The following ITGB8 variants were observed in gnomAD, a reference collection of about 807,000 sequenced individuals.
ITGB8 encodes the protein integrin beta-8.
A neutral mutation model predicts 89.5 loss-of-function variants in ITGB8; 30 were observed. The ratio of observed to expected loss-of-function variants is 0.34; its 90% confidence interval spans 0.25 to 0.45. ITGB8 has a LOEUF of 0.45. Among genes scored for constraint, ITGB8 ranks in the 20% least tolerant of loss-of-function variants. ITGB8 has a pLI of 1.00. For synonymous variants in ITGB8, 335 were observed against 320.4 expected, an observed-to-expected ratio of 1.05 and a Z score of -0.49; for missense variants, 836 against 933.3, an observed-to-expected ratio of 0.90 and a Z score of 1.36.
chr7:20,348,647 G>A (rs1467591849), intron 1 of ITGB8, among the ~76,000 whole-genome samples: 2 of 152,306 alleles, frequency 1.3e-5, no homozygotes, highest in Non-Finnish European at 2.9e-5. Context: ...ACTTGGGTAA[G>A]GCAGAATAAC....
intron 8 of ITGB8, 96 bp downstream of exon 8, chr7:20,395,081 G>A: frequency 1.4e-6 from 1 of 693,816 alleles, no homozygotes. Context: ...GAGAGGAGGA[G>A]TAGAAAGCAT....
rs1367080784 is a variant in ITGB8, at chr7:20,330,939, C to T, written c.-868C>T. Reference sequence around the variant, plus strand: ...ACTCGGGCTCTGGACTGCGGGACGCCTGAGCCGCGCACTGAGGCGAAAAGG... The same window carrying T: ...ACTCGGGCTCTGGACTGCGGGACGCTTGAGCCGCGCACTGAGGCGAAAAGG... On this transcript the variant is annotated 5_prime_UTR_variant, in exon 1 of 14. Coordinates refer to ENST00000222573, the MANE Select transcript of ITGB8 (RefSeq NM_002214.3). 2.0e-5 allele frequency: 3 copies of T among 152,364 alleles called. No individual in the cohort carries two copies. Among genetic ancestry groups the T allele is most frequent in the Non-Finnish European group, 2.9e-5 (2 of 68,150 alleles). The allele number at this position is 152,364 out of a possible 1,614,324, so 9.4% of individuals were successfully genotyped here.
At chr7:20,405,810 T>C (rs989910313) in intron 11 of ITGB8, among the ~76,000 whole-genome samples, 2 of 152,208 alleles carry the variant, frequency 1.3e-5, no homozygotes, top group African/African-American at 4.8e-5. Context: ...GTTTGTTTTA[T>C]TCAACATTTT....
rs4134436 is a variant in ITGB8, at chr7:20,404,677, A to T, written c.1737A>T (p.Glu579Asp). 1 of 1,614,026 alleles carries T rather than the reference A, an allele frequency of 6.2e-7. No homozygotes were observed. The change falls in exon 11 of 14, where the codon GAA (glutamate) becomes GAT (aspartate). Residue 579 changes from glutamate to aspartate, a missense_variant. Glu to Asp is a conservative substitution (Grantham distance 45). Transcript: ENST00000222573. ...GATGCCAATGCTTCAGTGGCTGGGA[A>T]GGTGATCGATGCCAGTGCCCTTCAG... is the stretch of plus-strand genomic sequence containing the variant. ...AGRCQCFSGW[E>D]GDRCQCPSAA...
intron 4 of ITGB8, 68 bp downstream of exon 4, chr7:20,379,365 T>C: frequency 1.9e-6 from 2 of 1,057,734 alleles, no homozygotes; most frequent in Non-Finnish European, 2.6e-6. Context: ...TTGTTTTTAA[T>C]GTAAAGAACT....
At chr7:20,341,229 A>G (rs1216741625) in intron 1 of ITGB8, among the ~76,000 whole-genome samples, 1 of 152,234 alleles carries the variant, frequency 6.6e-6, no homozygotes, top group African/African-American at 2.4e-5. Flanking sequence ...ATTGAAGACA[A>G]GTGGATCATA....
intron 4 of ITGB8, 94 bp from the exon 5 acceptor site, chr7:20,380,572 C>G (rs1786338733): frequency 5.0e-6 from 5 of 996,230 alleles, no homozygotes; most frequent in Non-Finnish European, 6.1e-6. Context: ...AAGAAGTACT[C>G]CCTTTTCACA....
chr7:20,380,760 CAGA>C lies in ITGB8; in HGVS notation c.734_736del (p.Lys245del). 1.2e-6 allele frequency: 2 copies of C among 1,613,778 alleles called. No homozygotes were observed. The highest frequency in any genetic ancestry group is 1.7e-6 in the Non-Finnish European group (2 of 1,179,658). ...TGAGTTTGAGAAAGCAGTTCATAGA[CAGA>C]AGATCTCTGGAAACATAGATACACC... On this transcript the variant is annotated inframe_deletion, in exon 5 of 14. Coordinates refer to ENST00000222573, the MANE Select transcript of ITGB8 (RefSeq NM_002214.3).
chr7:20,352,150 C>CAAATG (rs1393278846), intron 1 of ITGB8, among the ~76,000 whole-genome samples: 4 of 152,216 alleles, frequency 2.6e-5, no homozygotes, highest in African/African-American at 9.7e-5. Flanking sequence ...GCAGCTTTAA[C>CAAATG]CAGAATTTGC....
Position 20,331,750 on chromosome 7 carries a change from C to G in ITGB8, c.-57C>G. The G allele has an allele frequency of 2.6e-6, 4 of 1,557,784 alleles. No homozygotes were observed. Among genetic ancestry groups the G allele is most frequent in the Non-Finnish European group, 2.6e-6 (3 of 1,151,840 alleles). On this transcript the variant is annotated 5_prime_UTR_variant, in exon 1 of 14. Coordinates refer to ENST00000222573, the MANE Select transcript of ITGB8 (RefSeq NM_002214.3). ...GGCCCCGAGGTGCGCCCGGGAGGCG[C>G]GAGCCCGCGTCCGGAAGGCAGTCAG...
intron 1 of ITGB8, among the ~76,000 whole-genome samples, chr7:20,348,059 A>G (rs1398079491): frequency 6.6e-6 from 1 of 152,224 alleles, no homozygotes; most frequent in East Asian, 1.9e-4. Context: ...TTTTTCTAAT[A>G]AGAGAACAAA....
At chr7:20,357,882 C>A (rs749549891) in intron 1 of ITGB8, among the ~76,000 whole-genome samples, 2 of 152,216 alleles carry the variant, frequency 1.3e-5, no homozygotes, top group Non-Finnish European at 2.9e-5. Context: ...AGAATATACA[C>A]ACTTATTGAC....
intron 1 of ITGB8, among the ~76,000 whole-genome samples, chr7:20,355,864 A>G (rs534209364): frequency 2.6e-5 from 4 of 152,370 alleles, no homozygotes; most frequent in South Asian, 4.1e-4. Flanking sequence ...TTAATTCTAT[A>G]TGAGCACAGT....
chr7:20,341,550 C>T (rs1388184225), intron 1 of ITGB8, among the ~76,000 whole-genome samples: 2 of 152,132 alleles, frequency 1.3e-5, no homozygotes, highest in Non-Finnish European at 2.9e-5. Flanking sequence ...TGTTTGATGC[C>T]TTGTAAAGAA....
At chr7:20,367,545 C>A (rs1326832498) in intron 3 of ITGB8, among the ~76,000 whole-genome samples, 1 of 152,136 alleles carries the variant, frequency 6.6e-6, no homozygotes, top group Non-Finnish European at 1.5e-5. Context: ...AGTAAGTACT[C>A]TGTAAGTATT....
intron 5 of ITGB8, 153 bp downstream of exon 5, chr7:20,380,984 C>T: frequency 4.7e-6 from 3 of 635,962 alleles, no homozygotes; most frequent in Admixed American, 3.0e-5. Flanking sequence ...TGATTCATTT[C>T]GGTATGTGTT....
Position 20,376,210 on chromosome 7 carries a change from C to T in ITGB8, c.389-2841C>T, listed in dbSNP as rs116536920. On this transcript the variant is annotated intron_variant, in intron 3 of 13. Coordinates refer to ENST00000222573, the MANE Select transcript of ITGB8 (RefSeq NM_002214.3). ...TTCTGCTGTCCTTTTCATGTAGCCA[C>T]GTCCCCATGCCAACTAGAGTTCCTT... 9.1e-3 allele frequency among the ~76,000 whole-genome samples: 1,380 copies of T among 152,258 alleles called. 21 individuals are homozygous for T. The highest frequency in any genetic ancestry group is 0.031 in the African/African-American group (1,277 of 41,536).
In ITGB8 at chr7:20,393,845, T is replaced by C. The variant is rs116602115; in HGVS notation, c.1057-1051T>C. 7.2e-3 allele frequency among the ~76,000 whole-genome samples: 1,100 copies of C among 152,334 alleles called. 14 individuals carry two copies. Among genetic ancestry groups the C allele is most frequent in the African/African-American group, 0.025 (1,045 of 41,578 alleles). ...AGTCATCTCCTCCAGAAAACAGTCCTTGGCAACCTTCCCCAGCTCTCAAAT... is the reference window on the plus strand; with the variant it reads ...AGTCATCTCCTCCAGAAAACAGTCCCTGGCAACCTTCCCCAGCTCTCAAAT... On this transcript the variant is annotated intron_variant, in intron 7 of 13. Coordinates refer to ENST00000222573, the MANE Select transcript of ITGB8 (RefSeq NM_002214.3).
chr7:20,353,945 A>AAG (rs1785201339), intron 1 of ITGB8, among the ~76,000 whole-genome samples: 1 of 145,868 alleles, frequency 6.9e-6, no homozygotes, highest in African/African-American at 2.7e-5. Flanking sequence ...AAAAAAAAAA[A>AAG]AAAAAAAAAA....
Sources: allele counts gnomAD v4.1 joint callset (sites outside exome capture counted in the v4.1 genomes callset), GRCh38; gene constraint gnomAD v4.1.1; transcripts MANE v1.5; gene names NCBI Gene and HGNC (gene_info 2026-07-23, HGNC 2026-07-21).